The following MYOCD variants were observed in gnomAD, a reference collection of about 807,000 sequenced individuals.
MYOCD encodes myocardin.
In MYOCD, 32 loss-of-function variants were observed where a neutral mutation model predicts 96.1. The observed-to-expected ratio is 0.33, with a 90% confidence interval of 0.25 to 0.45. MYOCD has a LOEUF of 0.45. MYOCD is among the 20% of genes least tolerant of loss of function. The pLI is 1.00. For synonymous variants in MYOCD, 469 were observed against 469.0 expected, an observed-to-expected ratio of 1.00 and a Z score of 0.00; for missense variants, 1,133 against 1,200.6, an observed-to-expected ratio of 0.94 and a Z score of 0.83.
rs1597714264 is a variant in MYOCD at position 12,666,078 on chromosome 17, T to G, written c.-111T>G. On this transcript the variant is annotated 5_prime_UTR_variant, in exon 1 of 14. Transcript: ENST00000425538. ...CCTACCCAGGGGAGCTCACGGAGAGTTGGATGAATTCTGGGTTGTTAGCTG... is the reference window on the plus strand; with the variant it reads ...CCTACCCAGGGGAGCTCACGGAGAGGTGGATGAATTCTGGGTTGTTAGCTG... 1 of 747,406 alleles carries G rather than the reference T, an allele frequency of 1.3e-6. No individual in the cohort carries two copies. The highest frequency in any genetic ancestry group is 1.7e-5 in the African/African-American group (1 of 57,340). 46.3% of individuals were successfully genotyped at this position (747,406 alleles called of 1,614,324 possible).
chr17:12,698,481 C>G (rs139856826), intron 1 of MYOCD, among the ~76,000 whole-genome samples: 1 of 152,132 alleles, frequency 6.6e-6, no homozygotes, highest in South Asian at 2.1e-4. Context: ...TAGCATGTTA[C>G]GGTCATGAGA....
chr17:12,672,531 A>C (rs1909767930), intron 1 of MYOCD, among the ~76,000 whole-genome samples: 2 of 152,252 alleles, frequency 1.3e-5, no homozygotes, highest in Non-Finnish European at 2.9e-5. Flanking sequence ...GTTAAAATAA[A>C]ATGTATCATT....
intron 7 of MYOCD, among the ~76,000 whole-genome samples, chr17:12,743,618 G>A (rs533867621): frequency 3.3e-5 from 5 of 149,720 alleles, no homozygotes; most frequent in East Asian, 2.0e-4. Context: ...TCAGTTTCCC[G>A]AGTAGCTGGG....
chr17:12,729,654 T>C (rs2032108788), intron 5 of MYOCD, among the ~76,000 whole-genome samples: 1 of 152,046 alleles, frequency 6.6e-6, no homozygotes, highest in Non-Finnish European at 1.5e-5. Context: ...CTCTGCTCAC[T>C]GCAACCTCCC....
chr17:12,705,105 A>G (rs373441005), intron 1 of MYOCD, 23 bp from the exon 2 acceptor site: 36 of 1,567,652 alleles, frequency 2.3e-5, no homozygotes, highest in Admixed American at 1.4e-4. Context: ...CCCAACTCAC[A>G]AACTAACACT....
At position 12,752,914 on chromosome 17, in the gene MYOCD, G is replaced by C. The variant is rs746142621; in HGVS notation, c.1626G>C (p.Val542=). 1 of 1,614,002 alleles carries C rather than the reference G, an allele frequency of 6.2e-7. No individual in the cohort carries two copies. Among genetic ancestry groups the C allele is most frequent in the African/African-American group, 1.3e-5 (1 of 74,892 alleles). Residue 542 remains valine, a synonymous_variant, in exon 10 of 14, where the codon GTG becomes GTC. Coordinates refer to ENST00000425538, the MANE Select transcript of MYOCD (RefSeq NM_001146312.3). ...AACTCCAGCAAGAGCAGAGGCAGGT[G>C]GAGGAGCTGAGGATGCAGCTTCAGA... ...TWKLQQEQRQ[V]EELRMQLQKQ...
rs373441005 is a variant in MYOCD at position 12,705,105 on chromosome 17, A to C, written c.56-23A>C. On this transcript the variant is annotated intron_variant, in intron 1 of 13. Transcript: ENST00000425538. ...TGTAATGATATTTAGCCCAACTCACAAACTAACACTCCCTTTTCTAAGTTT... is the reference window on the plus strand; with the variant it reads ...TGTAATGATATTTAGCCCAACTCACCAACTAACACTCCCTTTTCTAAGTTT... The C allele has an allele frequency of 7.0e-6, 11 of 1,567,652 alleles. No individual in the cohort carries two copies. In the Admixed American group the frequency reaches 1.9e-4, roughly 27 times the overall value.
At chr17:12,759,706 C>G (rs1237232618) in intron 12 of MYOCD, among the ~76,000 whole-genome samples, 1 of 152,170 alleles carries the variant, frequency 6.6e-6, no homozygotes, top group Non-Finnish European at 1.5e-5. Flanking sequence ...AGGGGGCATA[C>G]CCTACTGGTG....
chr17:12,749,392 G>T (rs539372357), intron 9 of MYOCD, among the ~76,000 whole-genome samples: 30 of 151,880 alleles, frequency 2.0e-4, no homozygotes, highest in African/African-American at 5.8e-4. Context: ...AGCCGGGTGT[G>T]GTGGTGCACA....
chr17:12,733,250 C>T (rs1315659773), intron 5 of MYOCD, among the ~76,000 whole-genome samples: 1 of 148,248 alleles, frequency 6.7e-6, no homozygotes, highest in Non-Finnish European at 1.5e-5. Context: ...GTGGAGGTTG[C>T]AGTGAGTCGA....
intron 1 of MYOCD, among the ~76,000 whole-genome samples, chr17:12,697,614 G>A (rs1166988779): frequency 6.6e-6 from 1 of 151,690 alleles, no homozygotes; most frequent in Non-Finnish European, 1.5e-5. Context: ...GCCTCCCAAA[G>A]TGCTGGGAAT....
intron 11 of MYOCD, 39 bp from the exon 12 acceptor site, chr17:12,758,046 C>T (rs201354468): frequency 5.6e-6 from 8 of 1,423,980 alleles, no homozygotes; most frequent in Non-Finnish European, 6.9e-6. Context: ...ATTTCAGATC[C>T]ATGAATTCAA....
Position 12,727,932 on chromosome 17 carries a change from G to A in MYOCD, c.415+4924G>A, listed in dbSNP as rs151241054. ...TCATAGAGTCTTACAGTTTCCAGGT[G>A]GAGGGAAAAAAACAGGTTCATCACC... On this transcript the variant is annotated intron_variant, in intron 5 of 13. Transcript: ENST00000425538. Among the ~76,000 whole-genome samples the A allele has an allele frequency of 2.4e-3, 372 of 152,184 alleles. 3 individuals carry two copies. Among genetic ancestry groups the A allele is most frequent in the African/African-American group, 8.4e-3 (347 of 41,538 alleles).
Position 12,705,117 on chromosome 17 carries a change from C to A in MYOCD, c.56-11C>A. ...TAGCCCAACTCACAAACTAACACTC[C>A]CTTTTCTAAGTTTTACAGTTAAGAC... is the stretch of plus-strand genomic sequence containing the variant. On this transcript the variant is annotated splice_polypyrimidine_tract_variant and intron_variant, in intron 1 of 13. Coordinates refer to ENST00000425538, the MANE Select transcript of MYOCD (RefSeq NM_001146312.3). 6.2e-7 allele frequency: 1 copy of A among 1,603,986 alleles called. No individual in the cohort carries two copies. The highest frequency in any genetic ancestry group is 8.5e-7 in the Non-Finnish European group (1 of 1,171,492).
At chr17:12,734,739 G>C (rs554996004) in intron 5 of MYOCD, among the ~76,000 whole-genome samples, 1 of 152,074 alleles carries the variant, frequency 6.6e-6, no homozygotes, top group East Asian at 1.9e-4. Flanking sequence ...TCGAATTCCT[G>C]ACCTCATGAT....
At position 12,766,951 on chromosome 17, in the gene MYOCD, AGAGGGAGGAAGAGAGGGAGG is replaced by A. The variant is rs1017766840; in HGVS notation, c.*3320_*3339del. 3 of 148,798 alleles carry A rather than the reference AGAGGGAGGAAGAGAGGGAGG, an allele frequency of 2.0e-5. No individual in the cohort carries two copies. Among genetic ancestry groups the A allele is most frequent in the African/African-American group, 7.4e-5 (3 of 40,780 alleles). The allele number at this position is 148,798 out of a possible 1,614,324, so 9.2% of individuals were successfully genotyped here. A position where few individuals can be genotyped will look rare whatever the true frequency, so the allele number is the denominator to read the frequency against. ...ACACATATTCTATTCTAAGGGAGAA[AGAGGGAGGAAGAGAGGGAGG>A]GAGGGAGGAAGAAGAGGGAGGGAGC... On this transcript the variant is annotated 3_prime_UTR_variant, in exon 14 of 14. Coordinates refer to ENST00000425538, the MANE Select transcript of MYOCD (RefSeq NM_001146312.3).
intron 5 of MYOCD, among the ~76,000 whole-genome samples, chr17:12,732,153 C>T (rs766357699): frequency 1.1e-4 from 16 of 152,130 alleles, no homozygotes; most frequent in Non-Finnish European, 1.9e-4. Context: ...TAAACCCGTA[C>T]GCGGGATGTA....
intron 7 of MYOCD, among the ~76,000 whole-genome samples, chr17:12,740,940 G>T (rs1195755853): frequency 6.6e-6 from 1 of 152,040 alleles, no homozygotes; most frequent in Non-Finnish European, 1.5e-5. Flanking sequence ...GTTTCTCCAT[G>T]TTGGTCAGGC....
chr17:12,721,539 A>T (rs1361053611), intron 4 of MYOCD, among the ~76,000 whole-genome samples: 1 of 152,022 alleles, frequency 6.6e-6, no homozygotes, highest in African/African-American at 2.4e-5. Flanking sequence ...AAATAAGCCA[A>T]GGTGCAAAGG....
Sources: allele counts gnomAD v4.1 joint callset (sites outside exome capture counted in the v4.1 genomes callset), GRCh38; gene constraint gnomAD v4.1.1; transcripts MANE v1.5; gene names NCBI Gene and HGNC (gene_info 2026-07-23, HGNC 2026-07-21).